IL31RA: variants seen among roughly 807,000 people sequenced by gnomAD.
The protein encoded by IL31RA is interleukin 31 receptor A, also known as interleukin-31 receptor subunit alpha.
A neutral mutation model predicts 83.7 loss-of-function variants in IL31RA; 66 were observed. That is an observed-to-expected ratio of 0.79 (90% CI 0.65 to 0.97). IL31RA has a LOEUF of 0.97. Ranked by LOEUF, IL31RA falls within the 50% of genes least tolerant of loss-of-function variation. The pLI is 0.00. For synonymous variants in IL31RA, 325 were observed against 329.0 expected (o/e 0.99, Z 0.13); for missense variants, 798 against 919.4 (o/e 0.87, Z 1.71).
Position 55,922,296 on chromosome 5 carries a change from G to A in IL31RA, c.*5176G>A. The A allele has an allele frequency of 1.1e-6, 1 of 930,860 alleles. No individual in the cohort carries two copies. Among genetic ancestry groups the A allele is most frequent in the Non-Finnish European group, 1.7e-6 (1 of 581,044 alleles). 57.7% of individuals were successfully genotyped at this position (930,860 alleles called of 1,614,324 possible). On this transcript the variant is annotated 3_prime_UTR_variant, in exon 15 of 15. Coordinates refer to ENST00000652347, the MANE Select transcript of IL31RA (RefSeq NM_139017.7). ...GGCTGGGGAGAAGCAAGGGGCAGGGGAGGGGCAGAACTCCACAAGAGGGCA... is the reference window on the plus strand; with the variant it reads ...GGCTGGGGAGAAGCAAGGGGCAGGGAAGGGGCAGAACTCCACAAGAGGGCA...
chr5:55,914,724 A>AATG, intron 13 of IL31RA, 123 bp from the exon 14 acceptor site: 1 of 777,308 alleles, frequency 1.3e-6, no homozygotes, highest in East Asian at 2.6e-5. Flanking sequence ...TTAGGCAGAC[A>AATG]TGCCCTTATT....
At chr5:55,881,351 G>A (rs1351696510) in intron 4 of IL31RA, among the ~76,000 whole-genome samples, 1 of 151,870 alleles carries the variant, frequency 6.6e-6, no homozygotes, top group Non-Finnish European at 1.5e-5. Flanking sequence ...CTTTAGAGCA[G>A]GAATGGAAAG....
In IL31RA at chr5:55,920,480, A is replaced by G. The variant is rs897948921; in HGVS notation, c.*3360A>G. On this transcript the variant is annotated 3_prime_UTR_variant, in exon 15 of 15. Transcript: ENST00000652347. ...TCCAAGAAATTCACGTAGTGTTGAC[A>G]AAGTGTAATTGGAACACAGCCATGC... is the stretch of plus-strand genomic sequence containing the variant. Among the ~76,000 whole-genome samples, 15 of 152,254 alleles carry G rather than the reference A, an allele frequency of 9.9e-5. No individual in the cohort carries two copies. Among genetic ancestry groups the G allele is most frequent in the African/African-American group, 3.4e-4 (14 of 41,472 alleles).
chr5:55,887,674 T>G (rs555972730), intron 5 of IL31RA, among the ~76,000 whole-genome samples: 275 of 151,882 alleles, frequency 1.8e-3, no homozygotes, highest in African/African-American at 6.5e-3. Flanking sequence ...ATCACAAGGT[T>G]AGGAGATCGA....
rs905400987 is a variant in IL31RA at position 55,915,593 on chromosome 5, T to C, written c.1818+665T>C. 1.3e-4 allele frequency among the ~76,000 whole-genome samples: 20 copies of C among 152,350 alleles called. 1 individual carries two copies. Among genetic ancestry groups the C allele is most frequent in the South Asian group, 6.2e-4 (3 of 4,830 alleles). ...TGTTACTGAAAGGCTGTTTCCAGTTTTTCCTTGATGCACAAATTTTAAATA... is the reference window on the plus strand; with the variant it reads ...TGTTACTGAAAGGCTGTTTCCAGTTCTTCCTTGATGCACAAATTTTAAATA... On this transcript the variant is annotated intron_variant, in intron 14 of 14. Coordinates refer to ENST00000652347, the MANE Select transcript of IL31RA (RefSeq NM_139017.7).
chr5:55,906,491 A>G (rs1749167946), intron 9 of IL31RA, among the ~76,000 whole-genome samples: 2 of 152,186 alleles, frequency 1.3e-5, no homozygotes, highest in Admixed American at 1.3e-4. Flanking sequence ...CAAGCAGACC[A>G]GGTATCTGAT....
At chr5:55,905,924 G>T (rs1430117071) in intron 8 of IL31RA, among the ~76,000 whole-genome samples, 182 bp from the exon 9 acceptor site, 1 of 152,226 alleles carries the variant, frequency 6.6e-6, no homozygotes, top group Non-Finnish European at 1.5e-5. Context: ...ACTCCTCAAG[G>T]TGTTGTGTAA....
chr5:55,862,046 A>G (rs1174593529), intron 2 of IL31RA, among the ~76,000 whole-genome samples: 1 of 152,196 alleles, frequency 6.6e-6, no homozygotes, highest in Non-Finnish European at 1.5e-5. Context: ...AATTTTTCTT[A>G]GAGGAAGTGA....
At position 55,912,899 on chromosome 5, in the gene IL31RA, C is replaced by T. The variant is rs189025435; in HGVS notation, c.1643-578C>T. On this transcript the variant is annotated intron_variant, in intron 12 of 14. Transcript: ENST00000652347. ...AGGAGGTTGCTTGAGCCCAGGAGTT[C>T]GAGGCTACAGTGAGCTATGATCATG... is the stretch of plus-strand genomic sequence containing the variant. Among the ~76,000 whole-genome samples the T allele has an allele frequency of 8.6e-5, 13 of 151,810 alleles. No homozygotes were observed. In the South Asian group the frequency reaches 1.9e-3, roughly 22 times the overall value.
chr5:55,913,371 AATAAGAC>A, intron 12 of IL31RA, 99 bp from the exon 13 acceptor site: 1 of 783,140 alleles, frequency 1.3e-6, no homozygotes, highest in Non-Finnish European at 2.2e-6. Context: ...AAAGAAAACT[AATAAGAC>A]ATTGTGTTGC....
At chr5:55,841,263 T>C in the IL31RA span, among the ~76,000 whole-genome samples, 1 of 152,246 alleles carries the variant, frequency 6.6e-6, no homozygotes, top group Non-Finnish European at 1.5e-5. Context: ...ATTTTCCACT[T>C]GTTACCTTTT....
rs547574389 is a variant in IL31RA, at chr5:55,890,521, G to A, written c.772+386G>A. The stretch of plus-strand genomic sequence containing the variant: ...AGTAGCTGGGATTACAGGGGCCCAC[G>A]ACCATGCCCGGTTGATTTTTGTATT... On this transcript the variant is annotated intron_variant, in intron 6 of 14. Coordinates refer to ENST00000652347, the MANE Select transcript of IL31RA (RefSeq NM_139017.7). 1.4e-3 allele frequency among the ~76,000 whole-genome samples: 209 copies of A among 152,116 alleles called. 1 individual carries two copies. In the Middle Eastern group the frequency reaches 0.017, roughly 12 times the overall value.
At chr5:55,869,962 G>A (rs1746416483) in intron 3 of IL31RA, among the ~76,000 whole-genome samples, 1 of 152,144 alleles carries the variant, frequency 6.6e-6, no homozygotes. Flanking sequence ...TGTTTTCAGT[G>A]GAAGAAATGA....
At chr5:55,868,220 G>A (rs1220412812) in intron 2 of IL31RA, among the ~76,000 whole-genome samples, 1 of 152,098 alleles carries the variant, frequency 6.6e-6, no homozygotes, top group Non-Finnish European at 1.5e-5. Context: ...AAAGATCTAG[G>A]TCCCTGTTCT....
Position 55,922,470 on chromosome 5 carries a change from A to C in IL31RA, c.*5350A>C, listed in dbSNP as rs1307164845. 1.3e-6 allele frequency: 2 copies of C among 1,523,202 alleles called. No homozygotes were observed. The highest frequency in any genetic ancestry group is 3.9e-5 in the Admixed American group (2 of 50,772). 94.4% of individuals were successfully genotyped at this position (1,523,202 alleles called of 1,614,324 possible). ...ATGCGAGAAAGGTGTCCTGTGGTCT[A>C]TGCAAATTAGAAAGGACATGCAGAG... On this transcript the variant is annotated 3_prime_UTR_variant, in exon 15 of 15. Coordinates refer to ENST00000652347, the MANE Select transcript of IL31RA (RefSeq NM_139017.7).
At chr5:55,900,895 T>C (rs1224972683) in intron 8 of IL31RA, among the ~76,000 whole-genome samples, 2 of 152,216 alleles carry the variant, frequency 1.3e-5, no homozygotes, top group Non-Finnish European at 2.9e-5. Context: ...CTTTCTTTTT[T>C]TTAACCTAAT....
At position 55,851,393 on chromosome 5, in the gene IL31RA, C is replaced by T; in HGVS notation, c.-178C>T. On this transcript the variant is annotated 5_prime_UTR_variant, in exon 1 of 15. Transcript: ENST00000652347. ...CTGCTTAGGAACACCAGACAGCACTCCAGCACTCTGCTTGGGGGGCATTCG... is the reference window on the plus strand; with the variant it reads ...CTGCTTAGGAACACCAGACAGCACTTCAGCACTCTGCTTGGGGGGCATTCG... 1 of 1,070,216 alleles carries T rather than the reference C, an allele frequency of 9.3e-7. No individual in the cohort carries two copies. The highest frequency in any genetic ancestry group is 1.4e-6 in the Non-Finnish European group (1 of 730,296). 66.3% of individuals were successfully genotyped at this position (1,070,216 alleles called of 1,614,324 possible).
At chr5:55,850,236 C>A (rs565294539), upstream of IL31RA, among the ~76,000 whole-genome samples, 1 of 152,210 alleles carries the variant, frequency 6.6e-6, no homozygotes, top group South Asian at 2.1e-4. Context: ...TTACAGTGGG[C>A]CCTTTCAATC....
At chr5:55,914,453 A>G (rs1338603830) in intron 13 of IL31RA, among the ~76,000 whole-genome samples, 2 of 152,236 alleles carry the variant, frequency 1.3e-5, no homozygotes, top group Non-Finnish European at 2.9e-5. Flanking sequence ...TTGGGACCAC[A>G]CTTGGAGAAC....
Sources: allele counts gnomAD v4.1 joint callset (sites outside exome capture counted in the v4.1 genomes callset), GRCh38; gene constraint gnomAD v4.1.1; transcripts MANE v1.5; gene names NCBI Gene and HGNC (gene_info 2026-07-23, HGNC 2026-07-21).